The following GIMAP8 variants were observed in gnomAD, a reference collection of about 807,000 sequenced individuals.
GIMAP8 encodes the protein GTPase, IMAP family member 8.
Under a neutral mutation model 35.6 loss-of-function variants are expected in GIMAP8, and 29 were observed. The observed-to-expected ratio is 0.81, with a 90% CI of 0.61 to 1.11. The LOEUF (loss-of-function observed/expected upper bound fraction) is 1.11, where lower values mean the gene tolerates loss of function less well. Ranked by LOEUF, GIMAP8 falls within the 50% of genes most tolerant of loss-of-function variation. The probability of loss-of-function intolerance (pLI) is 0.00; values close to 1 mark genes in which losing one functional copy is unlikely to be tolerated. For missense variants in GIMAP8, 811 were observed against 805.0 expected, an observed-to-expected ratio of 1.01 and a Z score of -0.09; for synonymous variants, 335 against 308.7, an observed-to-expected ratio of 1.09 and a Z score of -0.89.
intron 1 of GIMAP8, among the ~76,000 whole-genome samples, chr7:150,459,670 C>T (rs1277582218): frequency 6.6e-6 from 1 of 152,248 alleles, no homozygotes; most frequent in Non-Finnish European, 1.5e-5. Context: ...GGCCATTCCA[C>T]TTTTCTATCA....
intron 1 of GIMAP8, among the ~76,000 whole-genome samples, chr7:150,455,655 G>C (rs191165198): frequency 1.3e-5 from 2 of 152,298 alleles, no homozygotes; most frequent in African/African-American, 4.8e-5. Flanking sequence ...GCTTAAACCA[G>C]AGCTTGTTAA....
rs143212982 is a variant in GIMAP8 at position 150,467,101 on chromosome 7, C to T, written c.403C>T (p.Arg135Trp). ...GAGGCACATCATTATTGTCTTCACT[C>T]GGAAGGATGATTTGGGGGATGACTT... ...ARRHIIIVFT[R>W]KDDLGDDLLQ... Residue 135 changes from arginine to tryptophan, a missense_variant, in exon 2 of 5, where the codon CGG becomes TGG. Transcript: ENST00000307271. The T allele has an allele frequency of 1.4e-5, 23 of 1,613,966 alleles. No individual in the cohort carries two copies. Among genetic ancestry groups the T allele is most frequent in the African/African-American group, 1.1e-4 (8 of 74,858 alleles).
intron 1 of GIMAP8, among the ~76,000 whole-genome samples, chr7:150,452,137 C>T (rs1187569531): frequency 1.3e-5 from 2 of 152,206 alleles, no homozygotes; most frequent in Non-Finnish European, 2.9e-5. Context: ...CTCTCAGTTG[C>T]TCTGCTGGGG....
intron 2 of GIMAP8, among the ~76,000 whole-genome samples, chr7:150,468,494 G>C (rs1321053263): frequency 6.6e-6 from 1 of 152,136 alleles, no homozygotes; most frequent in Non-Finnish European, 1.5e-5. Flanking sequence ...TGAGCCTGAT[G>C]CGTAACATCA....
At chr7:150,465,916 C>A (rs368436004) in intron 1 of GIMAP8, among the ~76,000 whole-genome samples, 1 of 152,110 alleles carries the variant, frequency 6.6e-6, no homozygotes, top group Non-Finnish European at 1.5e-5. Context: ...TAGGTAATAC[C>A]GCTTCTATCT....
chr7:150,471,075 C>T (rs537104349), intron 3 of GIMAP8, among the ~76,000 whole-genome samples: 1 of 152,236 alleles, frequency 6.6e-6, no homozygotes, highest in African/African-American at 2.4e-5. Context: ...GTTCCTGGAC[C>T]CAGCGAGGGT....
intron 2 of GIMAP8, among the ~76,000 whole-genome samples, chr7:150,467,807 T>C (rs769379329): frequency 6.6e-6 from 1 of 152,204 alleles, no homozygotes; most frequent in African/African-American, 2.4e-5. Context: ...CACACTTTTA[T>C]GGCATTGAGC....
intron 1 of GIMAP8, among the ~76,000 whole-genome samples, chr7:150,452,311 G>C (rs952290349): frequency 6.7e-6 from 1 of 148,928 alleles, no homozygotes; most frequent in Non-Finnish European, 1.5e-5. Flanking sequence ...GTGCATGTGC[G>C]TGTGTGTATG....
At chr7:150,470,687 G>A in intron 2 of GIMAP8, 142 bp from the exon 3 acceptor site, 1 of 630,878 alleles carries the variant, frequency 1.6e-6, no homozygotes, top group Non-Finnish European at 2.8e-6. Context: ...ACCATGACCA[G>A]GGCCTTGATT....
In GIMAP8 at chr7:150,472,317, T is replaced by C. The variant is rs1341174633; in HGVS notation, c.682+1443T>C. 6.6e-6 allele frequency among the ~76,000 whole-genome samples: 1 copy of C among 152,220 alleles called. No homozygotes were observed. Among genetic ancestry groups the C allele is most frequent in the Non-Finnish European group, 1.5e-5 (1 of 68,040 alleles). ...GTTCCACAATGAAGTGTTTGAATAA[T>C]TCTTCTGTCCAAGGTGACAAGGGTG... On this transcript the variant is annotated intron_variant, in intron 3 of 4. Transcript: ENST00000307271. This position sits in a 1 kb window ranked among gnomAD's most constrained non-coding sequence, Gnocchi z 4.1.
intron 4 of GIMAP8, 121 bp downstream of exon 4, chr7:150,474,759 A>T (rs899809342): frequency 5.0e-6 from 3 of 598,930 alleles, no homozygotes; most frequent in Admixed American, 3.9e-5. Flanking sequence ...GTTTTAGGGT[A>T]CATGTGCACA....
chr7:150,467,315 C>A lies in GIMAP8; in HGVS notation c.617C>A (p.Thr206Asn), dbSNP rs1367466771. The change falls in exon 2 of 5, where the codon ACT becomes AAT. Residue 206 changes from threonine (T) to asparagine (N), a missense_variant. By Grantham distance (65) the Thr-to-Asn change is moderately conservative. Coordinates refer to ENST00000307271, the MANE Select transcript of GIMAP8 (RefSeq NM_175571.4). Reference protein sequence around the residue: ...NGGPYHVNFKTEGSRFQDCVN... With the variant: ...NGGPYHVNFKNEGSRFQDCVN... ...GGACCCTATCATGTGAACTTCAAAA[C>A]TGAAGGCAGCAGGTTTCAAGTAAGA... 1 of 1,611,000 alleles carries A rather than the reference C, an allele frequency of 6.2e-7. No homozygotes were observed. The highest frequency in any genetic ancestry group is 8.5e-7 in the Non-Finnish European group (1 of 1,177,534).
chr7:150,474,331 C>G lies in GIMAP8; in HGVS notation c.1002C>G (p.Gly334=). 6.2e-7 allele frequency: 1 copy of G among 1,614,156 alleles called. No homozygotes were observed. The highest frequency in any genetic ancestry group is 1.1e-5 in the South Asian group (1 of 91,086). The change falls in exon 4 of 5, where the codon GGC becomes GGG. Residue 334 remains glycine, a synonymous_variant. Coordinates refer to ENST00000307271, the MANE Select transcript of GIMAP8 (RefSeq NM_175571.4). ...CCTTCCTGCTGGTGACACCACTGGG[C>G]TTTTACACTAAGAATGATGAGGCAG... ...PHAFLLVTPL[G]FYTKNDEAVL... is the part of the protein sequence containing the mutation.
In GIMAP8 at chr7:150,477,674, C is replaced by T. The variant is rs749134661; in HGVS notation, c.1892C>T (p.Ser631Phe). 211 of 1,614,028 alleles carry T rather than the reference C, an allele frequency of 1.3e-4. No individual in the cohort carries two copies. Among genetic ancestry groups the T allele is most frequent in the Non-Finnish European group, 1.7e-4 (201 of 1,180,028 alleles). ...GATCTGAGAAAAGAAAGTGGGTGGT[C>T]CGGGTATCCCCATACACAGGAGAAC... ...VNDLRKESGW[S>F]GYPHTQENVS... The change falls in exon 5 of 5, where the codon TCC becomes TTC. Residue 631 changes from serine (S) to phenylalanine (F), a missense_variant. Ser to Phe is a radical substitution (Grantham distance 155). Transcript: ENST00000307271.
In GIMAP8 at chr7:150,477,635, T is replaced by A; in HGVS notation, c.1853T>A (p.Leu618Ter). Reference protein sequence around the residue: ...QAQETQVKALLTKVNDLRKES... With the variant: ...QAQETQVKAL ...CAGGAAACCCAGGTGAAAGCTCTTTTAACAAAGGTCAATGATCTGAGAAAA... is the reference window on the plus strand; with the variant it reads ...CAGGAAACCCAGGTGAAAGCTCTTTAAACAAAGGTCAATGATCTGAGAAAA... The change falls in exon 5 of 5, where the codon TTA becomes TAA. Residue 618 changes from leucine (L) to a stop codon, truncating the protein, a stop_gained. Coordinates refer to ENST00000307271, the MANE Select transcript of GIMAP8 (RefSeq NM_175571.4). LOFTEE classifies it low-confidence loss of function (END_TRUNC). 1.2e-6 allele frequency: 2 copies of A among 1,614,190 alleles called. No individual in the cohort carries two copies. Among genetic ancestry groups the A allele is most frequent in the Non-Finnish European group, 1.7e-6 (2 of 1,180,034 alleles).
At chr7:150,475,332 C>A (rs1475968222) in intron 4 of GIMAP8, among the ~76,000 whole-genome samples, 1 of 152,198 alleles carries the variant, frequency 6.6e-6, no homozygotes, top group Non-Finnish European at 1.5e-5. Flanking sequence ...AAGGATAGGT[C>A]TGTTCTATGG....
Position 150,478,039 on chromosome 7 carries a change from A to G in GIMAP8, c.*259A>G, listed in dbSNP as rs1048598609. 52 of 501,634 alleles carry G rather than the reference A, an allele frequency of 1.0e-4. No individual in the cohort carries two copies. Among genetic ancestry groups the G allele is most frequent in the Non-Finnish European group, 2.5e-5 (7 of 283,384 alleles). 31.1% of individuals were successfully genotyped at this position (501,634 alleles called of 1,614,324 possible). On this transcript the variant is annotated 3_prime_UTR_variant, in exon 5 of 5. Coordinates refer to ENST00000307271, the MANE Select transcript of GIMAP8 (RefSeq NM_175571.4). ...AAAAGATTTCAGACATTAGGCTGAT[A>G]ATAAGTGGTAGAATCAAGTCACAAG...
At chr7:150,462,386 A>G (rs1440985511) in intron 1 of GIMAP8, among the ~76,000 whole-genome samples, 1 of 152,132 alleles carries the variant, frequency 6.6e-6, no homozygotes, top group East Asian at 1.9e-4. Flanking sequence ...TATAGTAATA[A>G]CATTTGATTC....
intron 1 of GIMAP8, among the ~76,000 whole-genome samples, chr7:150,461,514 T>C (rs1374224683): frequency 3.3e-5 from 5 of 152,242 alleles, no homozygotes; most frequent in Admixed American, 2.0e-4. Flanking sequence ...CTATTTTGTC[T>C]GATGTAAGTA....
Sources: gnomAD v4.1 joint callset for allele counts (sites outside exome capture counted in the v4.1 genomes callset) on GRCh38, gnomAD v4.1.1 for gene constraint, Gnocchi (gnomAD v3.1) non-coding constraint, MANE v1.5 for transcripts, NCBI Gene and HGNC (gene_info 2026-07-23, HGNC 2026-07-21) for gene names.